NKAIN2: variants seen among roughly 807,000 people sequenced by gnomAD.
The protein encoded by NKAIN2 is sodium/potassium-transporting ATPase subunit beta-1-interacting protein 2.
NKAIN2 carries 14 observed loss-of-function variants against 32.6 expected under a neutral mutation model. The ratio of observed to expected loss-of-function variants is 0.43; its 90% CI spans 0.28 to 0.67. The LOEUF (loss-of-function observed/expected upper bound fraction) is 0.67, where lower values mean the gene tolerates loss of function less well. NKAIN2 is among the 30% of genes least tolerant of loss of function. The pLI, the probability that NKAIN2 is intolerant of heterozygous loss-of-function variation, is 0.17. For synonymous variants in NKAIN2, 80 were observed against 87.2 expected (o/e 0.92, Z 0.46); for missense variants, 198 against 258.3 (o/e 0.77, Z 1.60).
chr6:124,178,362 A>C (rs1789269492), intron 1 of NKAIN2, among the ~76,000 whole-genome samples: 1 of 149,984 alleles, frequency 6.7e-6, no homozygotes. Context: ...CAGTGGCATG[A>C]TCTAGGCTCA....
chr6:124,024,059 T>TA (rs575487636), intron 1 of NKAIN2, among the ~76,000 whole-genome samples: 31 of 152,178 alleles, frequency 2.0e-4, no homozygotes, highest in Non-Finnish European at 3.5e-4. Context: ...TGCAATTGGT[T>TA]AAAAAAATGG....
intron 4 of NKAIN2, among the ~76,000 whole-genome samples, chr6:124,741,795 A>G (rs899566697): frequency 2.0e-5 from 3 of 151,884 alleles, no homozygotes; most frequent in African/African-American, 7.2e-5. Context: ...TATTATCCTC[A>G]TCATGGGTTT....
intron 1 of NKAIN2, among the ~76,000 whole-genome samples, chr6:124,046,009 T>C (rs1231718546): frequency 6.6e-6 from 1 of 151,992 alleles, no homozygotes; most frequent in African/African-American, 2.4e-5. Context: ...AATTAACTAA[T>C]TAGCAGGCAT....
chr6:124,188,553 A>G (rs945004454), intron 1 of NKAIN2, among the ~76,000 whole-genome samples: 3 of 152,242 alleles, frequency 2.0e-5, no homozygotes, highest in African/African-American at 7.2e-5. Context: ...AGGCAAGTTA[A>G]CATGTCAAAA....
intron 4 of NKAIN2, among the ~76,000 whole-genome samples, chr6:124,780,729 GAT>G (rs2114783887): frequency 6.6e-6 from 1 of 152,304 alleles, no homozygotes; most frequent in South Asian, 2.1e-4. Flanking sequence ...CTCTCCACCT[GAT>G]ATGAGACTTG....
intron 2 of NKAIN2, among the ~76,000 whole-genome samples, chr6:124,346,865 G>T (rs1798449718): frequency 1.3e-5 from 2 of 151,690 alleles, no homozygotes; most frequent in Admixed American, 1.3e-4. Context: ...GTGTGAATTT[G>T]ATCCTGTCAT....
chr6:124,742,735 G>A (rs1253342006), intron 4 of NKAIN2, among the ~76,000 whole-genome samples: 1 of 151,716 alleles, frequency 6.6e-6, no homozygotes, highest in Non-Finnish European at 1.5e-5. Flanking sequence ...GTTACACTGT[G>A]GATCCCAGGT....
Position 124,476,737 on chromosome 6 carries a change from C to G in NKAIN2, c.273+121390C>G, listed in dbSNP as rs114801575. 7.7e-3 allele frequency among the ~76,000 whole-genome samples: 1,171 copies of G among 152,196 alleles called. 15 individuals carry two copies. Among genetic ancestry groups the G allele is most frequent in the African/African-American group, 0.027 (1,120 of 41,528 alleles). Reference sequence around the variant, plus strand: ...AGTTTCCTATATTCTGAGCATTTTGCAAACGTGCACCCAATCTTGATAACA... The same window carrying G: ...AGTTTCCTATATTCTGAGCATTTTGGAAACGTGCACCCAATCTTGATAACA... On this transcript the variant is annotated intron_variant, in intron 3 of 6. Coordinates refer to ENST00000368417, the MANE Select transcript of NKAIN2 (RefSeq NM_001040214.3).
At chr6:124,739,504 GAC>G (rs1777103924) in intron 4 of NKAIN2, among the ~76,000 whole-genome samples, 2 of 151,802 alleles carry the variant, frequency 1.3e-5, no homozygotes, top group Non-Finnish European at 1.5e-5. Context: ...TCTAACCAAT[GAC>G]CCTTCCACAG....
intron 2 of NKAIN2, among the ~76,000 whole-genome samples, chr6:124,291,286 TTTA>T (rs140872505): frequency 6.6e-6 from 1 of 151,814 alleles, no homozygotes; most frequent in Non-Finnish European, 1.5e-5. Context: ...AGATATTCAT[TTTA>T]TTATTGTTTT....
intron 3 of NKAIN2, among the ~76,000 whole-genome samples, chr6:124,630,627 A>T (rs959824559): frequency 1.3e-5 from 2 of 152,186 alleles, no homozygotes; most frequent in Admixed American, 1.3e-4. Context: ...ACTAAAAAAA[A>T]GTGATTGCTA....
chr6:124,506,958 A>T (rs1778510707), intron 3 of NKAIN2, among the ~76,000 whole-genome samples: 1 of 152,238 alleles, frequency 6.6e-6, no homozygotes. Context: ...CTCCTGAATC[A>T]GAATCTGCAA....
chr6:124,593,205 T>TG (rs1554231106), intron 3 of NKAIN2, among the ~76,000 whole-genome samples: 1 of 149,898 alleles, frequency 6.7e-6, no homozygotes, highest in Non-Finnish European at 1.5e-5. Flanking sequence ...GATGAGAGTT[T>TG]TGTGTGTGTG....
At chr6:124,823,037 T>C (rs1781455198) in intron 6 of NKAIN2, among the ~76,000 whole-genome samples, 183 bp from the exon 7 acceptor site, 1 of 152,246 alleles carries the variant, frequency 6.6e-6, no homozygotes, top group Non-Finnish European at 1.5e-5. Flanking sequence ...CTGGCCTCTC[T>C]ATCCCTGCAA....
intron 3 of NKAIN2, among the ~76,000 whole-genome samples, chr6:124,386,241 G>A (rs984559670): frequency 6.6e-6 from 1 of 152,090 alleles, no homozygotes; most frequent in African/African-American, 2.4e-5. Context: ...ACGCCTTCCT[G>A]GATGTTTTTC....
intron 4 of NKAIN2, among the ~76,000 whole-genome samples, chr6:124,764,441 G>A (rs1778417369): frequency 6.6e-6 from 1 of 152,052 alleles, no homozygotes. Flanking sequence ...TGGATAATTG[G>A]TTTCATCTTA....
At chr6:124,286,342 TTGTGAA>T (rs1795539928) in intron 2 of NKAIN2, among the ~76,000 whole-genome samples, 1 of 152,110 alleles carries the variant, frequency 6.6e-6, no homozygotes, top group Admixed American at 6.6e-5. Flanking sequence ...TCGTCTTTTT[TTGTGAA>T]TCATTCCTTA....
intron 3 of NKAIN2, among the ~76,000 whole-genome samples, chr6:124,448,131 T>G (rs1775968676): frequency 6.6e-6 from 1 of 152,128 alleles, no homozygotes; most frequent in Non-Finnish European, 1.5e-5. Context: ...CTTATTATCT[T>G]GGGTTTCAGT....
At chr6:124,348,788 G>A (rs921672865) in intron 2 of NKAIN2, among the ~76,000 whole-genome samples, 4 of 152,212 alleles carry the variant, frequency 2.6e-5, no homozygotes, top group East Asian at 1.9e-4. Context: ...CCGAAGCAGG[G>A]CGAGGCATTG....
Sources: allele counts gnomAD v4.1 joint callset (sites outside exome capture counted in the v4.1 genomes callset), GRCh38; gene constraint gnomAD v4.1.1; transcripts MANE v1.5; gene names NCBI Gene and HGNC (gene_info 2026-07-23, HGNC 2026-07-21).